Variants in CHD6 observed in about 807,000 individuals in gnomAD.
CHD6 encodes ATP-dependent chromatin remodeler CHD6.
Under a neutral mutation model 276.9 loss-of-function variants are expected in CHD6, and 50 were observed. The observed-to-expected ratio is 0.18, with a 90% confidence interval of 0.14 to 0.23. The LOEUF is 0.23. Ranked by LOEUF, CHD6 falls within the 10% of genes least tolerant of loss-of-function variation. CHD6 has a pLI of 1.00. For synonymous variants in CHD6, 1,173 were observed against 1,229.3 expected, an observed-to-expected ratio of 0.95 and a Z score of 0.96; for missense variants, 2,564 against 3,365.8, an observed-to-expected ratio of 0.76 and a Z score of 5.89.
intron 16 of CHD6, among the ~76,000 whole-genome samples, chr20:41,475,527 T>C (rs944341841): frequency 6.6e-6 from 1 of 152,176 alleles, no homozygotes; most frequent in African/African-American, 2.4e-5. Flanking sequence ...TAACTAGGTA[T>C]CAAAACATTT....
At chr20:41,454,431 G>A (rs886730500) in intron 20 of CHD6, among the ~76,000 whole-genome samples, 195 bp downstream of exon 20, 3 of 152,180 alleles carry the variant, frequency 2.0e-5, no homozygotes, top group Non-Finnish European at 4.4e-5. Flanking sequence ...CCAACAGACT[G>A]AATGGCCATT....
At chr20:41,558,037 A>C (rs766894279) in intron 1 of CHD6, among the ~76,000 whole-genome samples, 6 of 152,210 alleles carry the variant, frequency 3.9e-5, no homozygotes, top group South Asian at 2.1e-4. Flanking sequence ...AAGAAAGCAG[A>C]GATGTCTTGA....
chr20:41,562,636 T>C (rs2045313811), intron 1 of CHD6, among the ~76,000 whole-genome samples: 1 of 152,154 alleles, frequency 6.6e-6, no homozygotes, highest in Non-Finnish European at 1.5e-5. Context: ...TATAGGTAAA[T>C]TTCTGATGTT....
Position 41,416,580 on chromosome 20 carries a change from C to A in CHD6, c.6486+8G>T, listed in dbSNP as rs371745957. On this transcript the variant is annotated splice_region_variant and intron_variant, in intron 33 of 36. Coordinates refer to ENST00000373233, the MANE Select transcript of CHD6 (RefSeq NM_032221.5). Reference sequence around the variant, plus strand: ...TGTTTTGTGGTCACTCCATTCTTGCCGGCTCACCTTGTGGATCTGGGCCGC... The same window carrying A: ...TGTTTTGTGGTCACTCCATTCTTGCAGGCTCACCTTGTGGATCTGGGCCGC... The A allele has an allele frequency of 1.2e-6, 2 of 1,606,796 alleles. No homozygotes were observed. The highest frequency in any genetic ancestry group is 2.2e-5 in the East Asian group (1 of 44,754).
At chr20:41,463,561 T>G (rs909879477) in intron 17 of CHD6, among the ~76,000 whole-genome samples, 1 of 152,128 alleles carries the variant, frequency 6.6e-6, no homozygotes, top group Non-Finnish European at 1.5e-5. Flanking sequence ...GTAGTAGTAC[T>G]AAACCTAGAT....
At position 41,585,262 on chromosome 20, in the gene CHD6, G is replaced by A. The variant is rs568630790; in HGVS notation, c.-24+33078C>T. Among the ~76,000 whole-genome samples, 8 of 152,262 alleles carry A rather than the reference G, an allele frequency of 5.3e-5. No individual in the cohort carries two copies. The East Asian group carries it at 1.5e-3, about 29-fold the overall frequency. On this transcript the variant is annotated intron_variant, in intron 1 of 36. Transcript: ENST00000373233. ...CTCACGCCTGTAATCCCAGCACTTT[G>A]GGAGGCCGAGGCAGGCGGATCACCT... is the stretch of plus-strand genomic sequence containing the variant.
intron 16 of CHD6, among the ~76,000 whole-genome samples, chr20:41,480,403 C>T (rs927612999): frequency 1.3e-5 from 2 of 152,062 alleles, no homozygotes; most frequent in Non-Finnish European, 2.9e-5. Context: ...AATAAGCAAT[C>T]AAAAAGATAA....
chr20:41,565,302 G>A (rs2045343630), intron 1 of CHD6, among the ~76,000 whole-genome samples: 1 of 151,942 alleles, frequency 6.6e-6, no homozygotes, highest in African/African-American at 2.4e-5. Context: ...CATCATGTTG[G>A]CCAGGCTGCT....
At chr20:41,509,248 CA>C (rs2044053952) in intron 5 of CHD6, among the ~76,000 whole-genome samples, 1 of 152,030 alleles carries the variant, frequency 6.6e-6, no homozygotes, top group Admixed American at 6.5e-5. Context: ...CATTATCAAA[CA>C]GAAGATGGAA....
intron 16 of CHD6, among the ~76,000 whole-genome samples, chr20:41,479,077 G>T (rs1333604690): frequency 1.3e-5 from 2 of 152,104 alleles, no homozygotes; most frequent in African/African-American, 2.4e-5. Flanking sequence ...ATAAAGCATA[G>T]AGTGTGCTTA....
intron 19 of CHD6, 60 bp downstream of exon 19, chr20:41,455,740 G>A: frequency 1.7e-6 from 2 of 1,202,824 alleles, no homozygotes; most frequent in Non-Finnish European, 2.3e-6. Flanking sequence ...ATGGGTTTCA[G>A]AGAATAAACA....
chr20:41,539,302 T>A (rs983907626), intron 2 of CHD6, among the ~76,000 whole-genome samples: 1 of 152,230 alleles, frequency 6.6e-6, no homozygotes, highest in Non-Finnish European at 1.5e-5. Context: ...TGTTATGCTG[T>A]CTTCTCTGTA....
rs1470749071 is a variant in CHD6 at position 41,404,776 on chromosome 20, C to A, written c.7965G>T (p.Arg2655Ser). 6.2e-7 allele frequency: 1 copy of A among 1,609,044 alleles called. No homozygotes were observed. Among genetic ancestry groups the A allele is most frequent in the Non-Finnish European group, 8.5e-7 (1 of 1,177,430 alleles). Residue 2655 changes from arginine (R) to serine (S), a missense_variant, in exon 37 of 37, where the codon AGG (arginine) becomes AGT (serine). This residue lies in a region of CHD6 where 238 missense variants were observed against 266.0 expected (regional missense o/e 0.89). Transcript: ENST00000373233. ...TGTCCCCCTTTGTCTTCTTCTTCTTCCTCTTCTGGCTCTCCAGACCTACTA... is the reference window on the plus strand; with the variant it reads ...TGTCCCCCTTTGTCTTCTTCTTCTTACTCTTCTGGCTCTCCAGACCTACTA... ...SEIVGLESQK[R>S]KKKKTKGDNP...
At chr20:41,532,080 T>C (rs1308917919) in intron 3 of CHD6, among the ~76,000 whole-genome samples, 1 of 152,212 alleles carries the variant, frequency 6.6e-6, no homozygotes, top group Non-Finnish European at 1.5e-5. Context: ...CCACAAGGAA[T>C]TTAGAAACAA....
At chr20:41,590,754 T>A (rs73613220) in intron 1 of CHD6, among the ~76,000 whole-genome samples, 2 of 152,022 alleles carry the variant, frequency 1.3e-5, no homozygotes, top group Non-Finnish European at 1.5e-5. Context: ...ACTTTTACAC[T>A]GTTGGTGGGA....
rs548670718 is a variant in CHD6 at position 41,557,255 on chromosome 20, G to A, written c.-23-5895C>T. On this transcript the variant is annotated intron_variant, in intron 1 of 36. Coordinates refer to ENST00000373233, the MANE Select transcript of CHD6 (RefSeq NM_032221.5). The stretch of plus-strand genomic sequence containing the variant: ...TGTATGAGTGCTTCCGTAGGAGCAC[G>A]GCATTTAATTATCTTCACAAGAAGG... Among the ~76,000 whole-genome samples, 18 of 152,218 alleles carry A rather than the reference G, an allele frequency of 1.2e-4. 1 individual carries two copies. Among genetic ancestry groups the A allele is most frequent in the African/African-American group, 3.9e-4 (16 of 41,528 alleles).
At chr20:41,447,827 T>C in intron 24 of CHD6, 55 bp downstream of exon 24, 7 of 1,324,724 alleles carry the variant, frequency 5.3e-6, no homozygotes, top group South Asian at 5.1e-5. Context: ...GCTCCATGAA[T>C]AGGCATTTTA....
At chr20:41,434,757 T>C (rs1376757056) in intron 27 of CHD6, among the ~76,000 whole-genome samples, 1 of 152,130 alleles carries the variant, frequency 6.6e-6, no homozygotes, top group Non-Finnish European at 1.5e-5. Flanking sequence ...GAGACATAAA[T>C]AAATCCACAA....
intron 23 of CHD6, 130 bp downstream of exon 23, chr20:41,450,816 C>A: frequency 1.2e-6 from 1 of 828,286 alleles, no homozygotes; most frequent in Non-Finnish European, 1.9e-6. Context: ...CCACAGATAA[C>A]ACATCCTGTC....
Sources: allele counts gnomAD v4.1 joint callset (sites outside exome capture counted in the v4.1 genomes callset), GRCh38; gene constraint gnomAD v4.1.1; regional missense constraint gnomAD v4.1.1; transcripts MANE v1.5; gene names NCBI Gene and HGNC (gene_info 2026-07-23, HGNC 2026-07-21).